Variants in CFAP95 observed in about 807,000 individuals in gnomAD.
CFAP95 encodes cilia and flagella associated protein 95.
chr9:69,888,056 G>A, the CFAP95 span, among the ~76,000 whole-genome samples: 1 of 152,120 alleles, frequency 6.6e-6, no homozygotes, highest in Middle Eastern at 3.2e-3. Flanking sequence ...AAATAAAAAG[G>A]AATAGCTACC....
chr9:69,828,190 A>T, the CFAP95 span, among the ~76,000 whole-genome samples: 8 of 152,370 alleles, frequency 5.3e-5, no homozygotes, highest in Non-Finnish European at 8.8e-5. Flanking sequence ...AAGTTAATCA[A>T]TAATACTCCA....
the CFAP95 span, among the ~76,000 whole-genome samples, chr9:69,855,826 AAAC>A: frequency 5.3e-5 from 8 of 152,248 alleles, no homozygotes; most frequent in East Asian, 1.9e-4. Flanking sequence ...TCTCTTTAAA[AAAC>A]AACAACAACA....
the CFAP95 span, among the ~76,000 whole-genome samples, chr9:69,862,564 T>G: frequency 6.6e-6 from 1 of 152,178 alleles, no homozygotes; most frequent in Non-Finnish European, 1.5e-5. Context: ...AATGTCAACT[T>G]TAAAAGGCAA....
chr9:69,854,976 A>C, the CFAP95 span, among the ~76,000 whole-genome samples: 1 of 152,164 alleles, frequency 6.6e-6, no homozygotes, highest in Non-Finnish European at 1.5e-5. Flanking sequence ...TGCTATCCTC[A>C]GTGTGCTTCA....
the CFAP95 span, among the ~76,000 whole-genome samples, chr9:69,892,625 T>C: frequency 1.1e-3 from 161 of 152,190 alleles, 1 homozygote; most frequent in African/African-American, 3.7e-3. Flanking sequence ...AATGAGAATA[T>C]ACATTCCTTT....
chr9:69,862,597 G>A, the CFAP95 span, among the ~76,000 whole-genome samples: 1,718 of 152,270 alleles, frequency 0.011, 38 homozygotes, highest in African/African-American at 0.039. Flanking sequence ...AATTTGCTCA[G>A]TGGACCAAAA....
chr9:69,852,517 G>A, the CFAP95 span, among the ~76,000 whole-genome samples: 2 of 152,108 alleles, frequency 1.3e-5, no homozygotes, highest in African/African-American at 2.4e-5. Flanking sequence ...CTCTTAAGGG[G>A]TAGGGGTGGG....
the CFAP95 span, among the ~76,000 whole-genome samples, chr9:69,826,947 C>A: frequency 6.6e-6 from 1 of 152,192 alleles, no homozygotes; most frequent in African/African-American, 2.4e-5. Context: ...AAAATCCCCA[C>A]TAAAACCAGG....
the CFAP95 span, among the ~76,000 whole-genome samples, chr9:69,822,768 T>G: frequency 6.6e-6 from 1 of 152,192 alleles, no homozygotes; most frequent in Non-Finnish European, 1.5e-5. Context: ...GAGAGAAGGA[T>G]AGTGGAACGC....
At chr9:69,844,915 A>C in the CFAP95 span, among the ~76,000 whole-genome samples, 11 of 152,340 alleles carry the variant, frequency 7.2e-5, no homozygotes, top group African/African-American at 2.6e-4. Context: ...TTGTCACTAC[A>C]GCAGCAATAT....
the CFAP95 span, among the ~76,000 whole-genome samples, chr9:69,884,813 CT>C: frequency 2.0e-5 from 3 of 151,798 alleles, no homozygotes; most frequent in Non-Finnish European, 2.9e-5. Context: ...TAATGTCCCC[CT>C]GTTCCTTTTA....
At chr9:69,882,776 C>A in the CFAP95 span, among the ~76,000 whole-genome samples, 2 of 152,122 alleles carry the variant, frequency 1.3e-5, no homozygotes, top group African/African-American at 2.4e-5. Flanking sequence ...GTTGAACCAT[C>A]CTTGTGTCTC....
chr9:69,839,101 A>T, the CFAP95 span, among the ~76,000 whole-genome samples: 1 of 37,476 alleles, frequency 2.7e-5, no homozygotes, highest in African/African-American at 8.9e-5. Flanking sequence ...ATCATGGTGG[A>T]TAAGCTTTTT....
chr9:69,882,551 T>C, the CFAP95 span, among the ~76,000 whole-genome samples: 1 of 152,188 alleles, frequency 6.6e-6, no homozygotes. Context: ...GCTTTCAGTT[T>C]TTCTGCATTC....
chr9:69,906,071 T>C, the CFAP95 span: 1 of 1,613,148 alleles, frequency 6.2e-7, no homozygotes, highest in Non-Finnish European at 8.5e-7. Flanking sequence ...GAGTGGGATT[T>C]ATGCTAATTC....
chr9:69,857,781 G>T, the CFAP95 span: 3 of 718,790 alleles, frequency 4.2e-6, no homozygotes, highest in African/African-American at 3.6e-5. Context: ...TCCCGTCTCG[G>T]CCTCCCAAAG....
At chr9:69,856,518 A>G in the CFAP95 span, 1 of 1,300,236 alleles carries the variant, frequency 7.7e-7, no homozygotes, top group Non-Finnish European at 1.1e-6. Context: ...TTGTAGTGAA[A>G]ATTCATTTTT....
At chr9:69,900,885 C>CTT in the CFAP95 span, among the ~76,000 whole-genome samples, 1 of 151,998 alleles carries the variant, frequency 6.6e-6, no homozygotes, top group East Asian at 1.9e-4. Context: ...TTTTTTTATG[C>CTT]TTTAAGTATA....
chr9:69,853,611 T>C, the CFAP95 span, among the ~76,000 whole-genome samples: 1 of 152,214 alleles, frequency 6.6e-6, no homozygotes, highest in African/African-American at 2.4e-5. Flanking sequence ...AAGTGCTTTA[T>C]GAAGTACCAT....
Sources: gnomAD v4.1 joint callset for allele counts (sites outside exome capture counted in the v4.1 genomes callset) on GRCh38, gnomAD v4.1.1 for gene constraint, MANE v1.5 for transcripts, NCBI Gene and HGNC (gene_info 2026-07-23, HGNC 2026-07-21) for gene names.